Variants in SPATA13 observed in about 807,000 individuals in gnomAD.
SPATA13 encodes the protein spermatogenesis associated 13.
SPATA13 carries 50 observed loss-of-function variants against 104.0 expected under a neutral mutation model. The ratio of observed to expected loss-of-function variants is 0.48; its 90% CI spans 0.38 to 0.61. The LOEUF (loss-of-function observed/expected upper bound fraction) is 0.61. Ranked by LOEUF, SPATA13 falls within the 20% of genes least tolerant of loss-of-function variation. The probability of loss-of-function intolerance (pLI) is 0.00; values close to 1 mark genes in which losing one functional copy is unlikely to be tolerated. For synonymous variants in SPATA13, 606 were observed against 667.5 expected, an observed-to-expected ratio of 0.91 and a Z score of 1.42; for missense variants, 1,524 against 1,690.6, an observed-to-expected ratio of 0.90 and a Z score of 1.73.
At chr13:24,186,226 A>G (rs1869142500) in intron 1 of SPATA13, among the ~76,000 whole-genome samples, 1 of 152,200 alleles carries the variant, frequency 6.6e-6, no homozygotes, top group African/African-American at 2.4e-5. Flanking sequence ...CTAAAGAAGA[A>G]GTCCTCTTTG....
chr13:24,108,809 C>T (rs955063311), intron 3 of SPATA13, among the ~76,000 whole-genome samples: 11 of 152,124 alleles, frequency 7.2e-5, no homozygotes, highest in South Asian at 2.1e-4. Context: ...CCCACGTTCC[C>T]GCCCCCAACC....
At chr13:24,169,328 T>G (rs1882870784) in intron 1 of SPATA13, among the ~76,000 whole-genome samples, 1 of 152,206 alleles carries the variant, frequency 6.6e-6, no homozygotes, top group Non-Finnish European at 1.5e-5. Flanking sequence ...GAGTTGAGTC[T>G]TAGACTCCTG....
intron 3 of SPATA13, among the ~76,000 whole-genome samples, chr13:24,154,182 T>C (rs4644725): frequency 0.18 from 27,938 of 152,110 alleles, 3,230 homozygotes; most frequent in East Asian, 0.64. Flanking sequence ...CCTGATAGTC[T>C]GGCAGTACCA....
intron 3 of SPATA13, among the ~76,000 whole-genome samples, chr13:24,041,781 T>A (rs954342102): frequency 1.3e-5 from 2 of 152,118 alleles, no homozygotes; most frequent in Admixed American, 1.3e-4. Context: ...ACAAGCCATG[T>A]CTAGAAGGAA....
At chr13:24,027,119 A>ATT (rs1258411837) in intron 3 of SPATA13, among the ~76,000 whole-genome samples, 1 of 117,584 alleles carries the variant, frequency 8.5e-6, no homozygotes, top group Non-Finnish European at 1.8e-5. Flanking sequence ...TGTTCCTGAT[A>ATT]TTTTTTGTTT....
intron 2 of SPATA13, among the ~76,000 whole-genome samples, chr13:23,986,347 G>A (rs960623704): frequency 1.3e-5 from 2 of 152,204 alleles, no homozygotes; most frequent in African/African-American, 2.4e-5. Context: ...CCAGAGGAGC[G>A]TCAGGAGACC....
intron 3 of SPATA13, chr13:24,122,121 C>T (rs1428793073): frequency 3.7e-6 from 6 of 1,612,650 alleles, no homozygotes; most frequent in Non-Finnish European, 5.1e-6. Context: ...ACAACTGGAG[C>T]ACTGAATTTG....
intron 1 of SPATA13, among the ~76,000 whole-genome samples, chr13:24,209,444 C>CA (rs1253213288): frequency 2.0e-5 from 3 of 152,148 alleles, no homozygotes; most frequent in Non-Finnish European, 2.9e-5. Flanking sequence ...AAAAGGAGGC[C>CA]ACCAGAGGAG....
At chr13:24,114,640 TTTTTTTGTTGTTG>T (rs775144255) in intron 3 of SPATA13, among the ~76,000 whole-genome samples, 116 of 152,326 alleles carry the variant, frequency 7.6e-4, no homozygotes, top group Non-Finnish European at 1.0e-3. Context: ...TCCTTAGTTT[TTTTTTTGTTGTTG>T]TTTTTTGTTG....
At chr13:24,090,357 A>G (rs1879871195) in intron 3 of SPATA13, among the ~76,000 whole-genome samples, 1 of 152,138 alleles carries the variant, frequency 6.6e-6, no homozygotes, top group Non-Finnish European at 1.5e-5. Flanking sequence ...CTGTCCATCC[A>G]ACCTGTACAT....
intron 2 of SPATA13, among the ~76,000 whole-genome samples, chr13:24,234,607 A>G (rs1400496168): frequency 1.3e-5 from 2 of 152,214 alleles, no homozygotes; most frequent in African/African-American, 4.8e-5. Flanking sequence ...GCCAGAAGTC[A>G]CTATATAAAT....
At chr13:24,102,583 T>C (rs895967119) in intron 3 of SPATA13, among the ~76,000 whole-genome samples, 1 of 151,598 alleles carries the variant, frequency 6.6e-6, no homozygotes, top group Admixed American at 6.6e-5. Context: ...TAGGTGATTC[T>C]CCTTCCTCAG....
chr13:24,269,158 C>G (rs1874430922), intron 4 of SPATA13, among the ~76,000 whole-genome samples: 2 of 152,110 alleles, frequency 1.3e-5, no homozygotes, highest in Non-Finnish European at 2.9e-5. Context: ...GCAATATGTT[C>G]TCGAGTAATT....
At chr13:24,087,253 A>G (rs554306546) in intron 3 of SPATA13, among the ~76,000 whole-genome samples, 1 of 151,926 alleles carries the variant, frequency 6.6e-6, no homozygotes, top group East Asian at 1.9e-4. Context: ...GGGGCCTGGG[A>G]CCTCCCCAGT....
chr13:24,010,665 C>T (rs1358053248), intron 2 of SPATA13, among the ~76,000 whole-genome samples: 1 of 151,990 alleles, frequency 6.6e-6, no homozygotes, highest in African/African-American at 2.4e-5. Flanking sequence ...TCCCAGCAGT[C>T]TACTTCCTTC....
chr13:24,302,459 CAAAAAAAAA>C (rs71070678), intron 12 of SPATA13, 130 bp from the exon 13 acceptor site: 4,149 of 193,500 alleles, frequency 0.021, 101 homozygotes, highest in African/African-American at 0.1. Flanking sequence ...GACCCTGTCT[CAAAAAAAAA>C]AAAAAAAAAA....
In SPATA13 at chr13:24,161,343, A is replaced by G. The variant is rs980822980; in HGVS notation, c.-112+411A>G. Among the ~76,000 whole-genome samples, 2 of 152,100 alleles carry G rather than the reference A, an allele frequency of 1.3e-5. No individual in the cohort carries two copies. Among genetic ancestry groups the G allele is most frequent in the Admixed American group, 1.3e-4 (2 of 15,286 alleles). On this transcript the variant is annotated intron_variant, in intron 1 of 12. Coordinates refer to ENST00000382108, the MANE Select transcript of SPATA13 (RefSeq NM_001166271.3). This position sits in a 1 kb window ranked among gnomAD's most constrained non-coding sequence, Gnocchi z 4.5. Reference sequence around the variant, plus strand: ...GGAGCCTGGCGCGGCGGAGCCCTGTAACGCTCTGCTCCATCGGGTGGCGTG... The same window carrying G: ...GGAGCCTGGCGCGGCGGAGCCCTGTGACGCTCTGCTCCATCGGGTGGCGTG...
chr13:24,074,088 T>C lies in SPATA13; in HGVS notation c.-112+56387T>C, dbSNP rs1879249371. ...TATTTTTAAGCATACAGTTTAGTAA[T>C]GTTAAGTGCATTCACATTTGTACAT... On this transcript the variant is annotated intron_variant, in intron 3 of 14. Coordinates refer to the SPATA13 transcript ENST00000424834. Among the ~76,000 whole-genome samples, 9 of 152,376 alleles carry C rather than the reference T, an allele frequency of 5.9e-5. 1 individual carries two copies. The South Asian group carries it at 1.9e-3, about 32-fold the overall frequency.
rs189525156 is a variant in SPATA13, at chr13:24,179,254, A to G, written c.-112+18322A>G. Among the ~76,000 whole-genome samples, 463 of 152,220 alleles carry G rather than the reference A, an allele frequency of 3.0e-3. 1 individual carries two copies. Among genetic ancestry groups the G allele is most frequent in the Non-Finnish European group, 4.6e-3 (312 of 68,004 alleles). On this transcript the variant is annotated intron_variant, in intron 1 of 12. Transcript: ENST00000382108. ...TATGAACATTTGTGTACAAGTTTTTATGTGGACATCTGTTTTCATTTCTCT... is the reference window on the plus strand; with the variant it reads ...TATGAACATTTGTGTACAAGTTTTTGTGTGGACATCTGTTTTCATTTCTCT...
Sources: gnomAD v4.1 joint callset for allele counts (sites outside exome capture counted in the v4.1 genomes callset) on GRCh38, gnomAD v4.1.1 for gene constraint, Gnocchi (gnomAD v3.1) non-coding constraint, MANE v1.5 for transcripts, NCBI Gene and HGNC (gene_info 2026-07-23, HGNC 2026-07-21) for gene names.